The following THRB variants were observed in gnomAD, a reference collection of about 807,000 sequenced individuals.
THRB encodes the protein nuclear receptor subfamily 1 group A member 2.
Under a neutral mutation model 47.8 loss-of-function variants are expected in THRB, and 12 were observed. The ratio of observed to expected loss-of-function variants is 0.25; its 90% CI spans 0.16 to 0.41. The LOEUF (loss-of-function observed/expected upper bound fraction) is 0.41. Among genes scored for constraint, THRB ranks in the 10% least tolerant of loss-of-function variants. THRB has a pLI of 1.00. For synonymous variants in THRB, 218 were observed against 212.2 expected (o/e 1.03, Z -0.24); for missense variants, 348 against 589.2 (o/e 0.59, Z 4.24).
intron 2 of THRB, among the ~76,000 whole-genome samples, chr3:24,330,777 A>T (rs2061872464): frequency 6.6e-6 from 1 of 152,218 alleles, no homozygotes; most frequent in African/African-American, 2.4e-5. Flanking sequence ...GTGGGAAAAA[A>T]TAGAGCTCAC....
intron 1 of THRB, among the ~76,000 whole-genome samples, chr3:24,459,804 G>GT (rs1471568810): frequency 2.0e-5 from 3 of 151,870 alleles, no homozygotes; most frequent in South Asian, 2.1e-4. Context: ...CTTTTTGATG[G>GT]TTTTTTTATT....
chr3:24,331,641 A>G (rs543887716), intron 2 of THRB, among the ~76,000 whole-genome samples: 1 of 151,398 alleles, frequency 6.6e-6, no homozygotes, highest in Non-Finnish European at 1.5e-5. Context: ...ACATACACAT[A>G]TATAGTGTGT....
chr3:24,476,028 C>T (rs1695404052), intron 1 of THRB, among the ~76,000 whole-genome samples: 1 of 152,240 alleles, frequency 6.6e-6, no homozygotes, highest in Admixed American at 6.5e-5. Context: ...GAAGAAGCTG[C>T]TAGGTCCACC....
At chr3:24,240,598 G>A (rs749157466) in intron 3 of THRB, among the ~76,000 whole-genome samples, 4 of 152,278 alleles carry the variant, frequency 2.6e-5, no homozygotes, top group Admixed American at 6.5e-5. Flanking sequence ...ATAAATGACC[G>A]GTTGCCTGCA....
chr3:24,446,449 T>C (rs2072079507), intron 1 of THRB, among the ~76,000 whole-genome samples: 1 of 152,052 alleles, frequency 6.6e-6, no homozygotes, highest in Non-Finnish European at 1.5e-5. Context: ...GAGGTCAGTA[T>C]GCTGGGTTAT....
chr3:24,448,134 C>A (rs1320178264), intron 1 of THRB, among the ~76,000 whole-genome samples: 1 of 152,046 alleles, frequency 6.6e-6, no homozygotes, highest in Non-Finnish European at 1.5e-5. Context: ...GTGCCATTTG[C>A]AGAGCACTGA....
intron 1 of THRB, among the ~76,000 whole-genome samples, chr3:24,451,969 C>T (rs772698374): frequency 6.6e-5 from 10 of 152,118 alleles, no homozygotes; most frequent in Non-Finnish European, 1.3e-4. Context: ...TAAGCCCCAA[C>T]CTCAAGTATG....
intron 1 of THRB, among the ~76,000 whole-genome samples, chr3:24,341,216 T>C (rs1218658821): frequency 2.7e-5 from 4 of 148,574 alleles, no homozygotes; most frequent in African/African-American, 1.0e-4. Flanking sequence ...GGTAAAACAA[T>C]TAACATGAGA....
intron 5 of THRB, among the ~76,000 whole-genome samples, chr3:24,185,511 T>G (rs1005803803): frequency 2.0e-5 from 3 of 152,250 alleles, no homozygotes; most frequent in African/African-American, 7.2e-5. Flanking sequence ...TTCTTAAAAT[T>G]ATTTTAACTG....
intron 5 of THRB, among the ~76,000 whole-genome samples, chr3:24,182,370 A>G (rs567051404): frequency 6.6e-6 from 1 of 152,272 alleles, no homozygotes; most frequent in South Asian, 2.1e-4. Context: ...CCTCCCAATA[A>G]TACCTTTCCA....
intron 8 of THRB, among the ~76,000 whole-genome samples, chr3:24,141,252 G>T (rs1168953555): frequency 6.6e-6 from 1 of 152,204 alleles, no homozygotes; most frequent in East Asian, 1.9e-4. Context: ...TGAACTGTTA[G>T]GAGCCTTTAA....
At chr3:24,467,098 C>G (rs1171616585) in intron 1 of THRB, among the ~76,000 whole-genome samples, 1 of 152,200 alleles carries the variant, frequency 6.6e-6, no homozygotes, top group Admixed American at 6.5e-5. Context: ...GTTGTCACTT[C>G]AACAATATTC....
intron 1 of THRB, among the ~76,000 whole-genome samples, chr3:24,338,723 C>T (rs547632378): frequency 1.3e-4 from 20 of 152,190 alleles, no homozygotes; most frequent in Non-Finnish European, 1.9e-4. Flanking sequence ...GTGGTTCTTC[C>T]ACCCTATGAC....
At chr3:24,432,036 G>A (rs1319065000) in intron 1 of THRB, among the ~76,000 whole-genome samples, 2 of 152,048 alleles carry the variant, frequency 1.3e-5, no homozygotes, top group East Asian at 3.9e-4. Flanking sequence ...AGGGAGGCAG[G>A]AGATAGGATC....
At chr3:24,190,886 A>ATT (rs2043250739) in intron 4 of THRB, among the ~76,000 whole-genome samples, 1 of 62,962 alleles carries the variant, frequency 1.6e-5, no homozygotes, top group South Asian at 5.3e-4. Flanking sequence ...TACAAAAAGA[A>ATT]AAAAAAAAAA....
At chr3:24,336,416 A>G (rs1454359631) in intron 2 of THRB, among the ~76,000 whole-genome samples, 4 of 152,252 alleles carry the variant, frequency 2.6e-5, no homozygotes, top group Admixed American at 2.6e-4. Flanking sequence ...CCAAGCCTGA[A>G]TGTCACCTTA....
At chr3:24,368,770 A>G (rs534782240) in intron 1 of THRB, among the ~76,000 whole-genome samples, 4 of 152,256 alleles carry the variant, frequency 2.6e-5, no homozygotes, top group African/African-American at 9.6e-5. Flanking sequence ...GTACACCAAA[A>G]CTTCCAATGT....
At chr3:24,324,200 T>C (rs1316934314) in intron 2 of THRB, among the ~76,000 whole-genome samples, 1 of 152,170 alleles carries the variant, frequency 6.6e-6, no homozygotes, top group Non-Finnish European at 1.5e-5. Context: ...ATTGAGGACC[T>C]GAGAGGTCAT....
intron 10 of THRB, among the ~76,000 whole-genome samples, chr3:24,125,833 A>T (rs971915859): frequency 1.3e-5 from 2 of 152,124 alleles, no homozygotes; most frequent in Non-Finnish European, 2.9e-5. Flanking sequence ...CAAATTTGCC[A>T]TATTCTCTTG....
Sources: gnomAD v4.1 joint callset for allele counts (sites outside exome capture counted in the v4.1 genomes callset) on GRCh38, gnomAD v4.1.1 for gene constraint, MANE v1.5 for transcripts, NCBI Gene and HGNC (gene_info 2026-07-23, HGNC 2026-07-21) for gene names.